NRG3: variants seen among roughly 807,000 people sequenced by gnomAD.
The protein encoded by NRG3 is pro-neuregulin-3, membrane-bound isoform.
NRG3 carries 31 observed loss-of-function variants against 66.9 expected under a neutral mutation model. The ratio of observed to expected loss-of-function variants is 0.46; its 90% CI spans 0.35 to 0.63. The LOEUF (loss-of-function observed/expected upper bound fraction) is 0.63, where lower values mean the gene tolerates loss of function less well. Among genes scored for constraint, NRG3 ranks in the 20% least tolerant of loss-of-function variants. NRG3 has a pLI of 0.00. For synonymous variants in NRG3, 393 were observed against 359.4 expected, an observed-to-expected ratio of 1.09 and a Z score of -1.06; for missense variants, 910 against 878.9, an observed-to-expected ratio of 1.04 and a Z score of -0.45.
At chr10:81,952,425 A>C (rs1193007751) in intron 1 of NRG3, among the ~76,000 whole-genome samples, 1 of 151,852 alleles carries the variant, frequency 6.6e-6, no homozygotes, top group African/African-American at 2.4e-5. Flanking sequence ...GGAGAGAGAA[A>C]GAAGGCGGCA....
chr10:82,386,834 C>G (rs2086028275), intron 2 of NRG3, among the ~76,000 whole-genome samples: 1 of 152,138 alleles, frequency 6.6e-6, no homozygotes, highest in Non-Finnish European at 1.5e-5. Context: ...GAGGCCTGCT[C>G]TGTCGCCCAG....
At chr10:82,885,024 T>G (rs2136084552) in intron 4 of NRG3, among the ~76,000 whole-genome samples, 1 of 152,336 alleles carries the variant, frequency 6.6e-6, no homozygotes, top group South Asian at 2.1e-4. Flanking sequence ...GCTGTAGAAA[T>G]GGAATCACAA....
intron 4 of NRG3, among the ~76,000 whole-genome samples, chr10:82,946,453 C>T (rs375238332): frequency 5.3e-5 from 8 of 151,912 alleles, no homozygotes; most frequent in South Asian, 2.1e-4. Context: ...GCAGGAAAAT[C>T]GCTTGAACCC....
In NRG3 at chr10:82,479,481, C is replaced by G. The variant is rs532073883; in HGVS notation, c.953+120613C>G. On this transcript the variant is annotated intron_variant, in intron 2 of 8. Transcript: ENST00000372141. ...TGGGAGACAGAGGTGGGCGGATCAC[C>G]TGAGGTCAGGAGTTGGAGGGAAAAA... Among the ~76,000 whole-genome samples the G allele has an allele frequency of 5.8e-4, 78 of 133,560 alleles. 1 individual carries two copies. The highest frequency in any genetic ancestry group is 3.1e-3 in the Admixed American group (40 of 12,768). The allele number at this position is 133,560 out of a possible 152,430, so 87.6% of individuals were successfully genotyped here.
At chr10:82,633,491 G>A (rs1022867171) in intron 2 of NRG3, among the ~76,000 whole-genome samples, 1 of 152,076 alleles carries the variant, frequency 6.6e-6, no homozygotes, top group Non-Finnish European at 1.5e-5. Flanking sequence ...GTGAAAAAGC[G>A]GACAAGTGTA....
intron 1 of NRG3, among the ~76,000 whole-genome samples, chr10:82,296,214 G>A (rs1201037950): frequency 6.6e-6 from 1 of 152,162 alleles, no homozygotes; most frequent in Non-Finnish European, 1.5e-5. Flanking sequence ...AGCTCAGAGA[G>A]GAAGAGGAAG....
At chr10:82,734,442 A>G (rs12255264) in intron 2 of NRG3, among the ~76,000 whole-genome samples, 12,437 of 152,174 alleles carry the variant, frequency 0.082, 639 homozygotes, top group East Asian at 0.2. Flanking sequence ...CAACCTAGTT[A>G]AGGCAAGATT....
intron 1 of NRG3, among the ~76,000 whole-genome samples, chr10:82,099,064 C>T (rs2066556793): frequency 6.6e-6 from 1 of 152,164 alleles, no homozygotes; most frequent in Non-Finnish European, 1.5e-5. Flanking sequence ...CACACCTGGC[C>T]TAGGTAGCAT....
At chr10:82,664,978 T>C (rs898839895) in intron 2 of NRG3, among the ~76,000 whole-genome samples, 47 of 152,194 alleles carry the variant, frequency 3.1e-4, no homozygotes, top group Admixed American at 5.9e-4. Context: ...ATCAATACTC[T>C]ACAGCTCATG....
chr10:82,763,987 A>T (rs1472294876), intron 3 of NRG3, among the ~76,000 whole-genome samples: 1 of 152,208 alleles, frequency 6.6e-6, no homozygotes, highest in Non-Finnish European at 1.5e-5. Context: ...TAATGTGGAT[A>T]GTGGAAAATT....
chr10:82,979,772 T>C (rs1189248469), intron 8 of NRG3, among the ~76,000 whole-genome samples: 4 of 152,212 alleles, frequency 2.6e-5, no homozygotes, highest in African/African-American at 7.2e-5. Flanking sequence ...ATTATCCATG[T>C]AGTTGGCATA....
chr10:82,770,530 T>G (rs1216577857), intron 3 of NRG3, among the ~76,000 whole-genome samples: 1 of 152,158 alleles, frequency 6.6e-6, no homozygotes, highest in African/African-American at 2.4e-5. Context: ...GGAGGTGGCT[T>G]GGGCTTCTCT....
chr10:82,737,658 G>GT (rs1180479933), intron 2 of NRG3, among the ~76,000 whole-genome samples: 1 of 152,156 alleles, frequency 6.6e-6, no homozygotes, highest in Non-Finnish European at 1.5e-5. Flanking sequence ...GAGCAGACCA[G>GT]TAAATGCCAC....
At chr10:82,632,333 A>T (rs954687742) in intron 2 of NRG3, among the ~76,000 whole-genome samples, 1 of 152,184 alleles carries the variant, frequency 6.6e-6, no homozygotes, top group South Asian at 2.1e-4. Flanking sequence ...GTTACATAAG[A>T]CATCCAAATG....
chr10:82,305,948 T>C (rs2080699493), intron 1 of NRG3, among the ~76,000 whole-genome samples: 1 of 152,234 alleles, frequency 6.6e-6, no homozygotes, highest in Non-Finnish European at 1.5e-5. Flanking sequence ...CCTGCAAGGT[T>C]TGACATTAAC....
At chr10:82,558,157 T>C (rs1316831133) in intron 2 of NRG3, among the ~76,000 whole-genome samples, 2 of 152,200 alleles carry the variant, frequency 1.3e-5, no homozygotes, top group East Asian at 1.9e-4. Context: ...TGTGGCCATC[T>C]TGAGGCACTT....
intron 1 of NRG3, among the ~76,000 whole-genome samples, chr10:82,182,224 G>A (rs2073475026): frequency 2.0e-5 from 3 of 151,038 alleles, no homozygotes; most frequent in Admixed American, 2.0e-4. Context: ...TGATTGAGGA[G>A]TTTAATGCAT....
At chr10:82,292,906 A>T (rs1368304302) in intron 1 of NRG3, among the ~76,000 whole-genome samples, 1 of 152,200 alleles carries the variant, frequency 6.6e-6, no homozygotes, top group Non-Finnish European at 1.5e-5. Flanking sequence ...AATATTCTGC[A>T]TCTTGAGGGT....
At chr10:82,747,117 A>G (rs1481202320) in intron 3 of NRG3, among the ~76,000 whole-genome samples, 1 of 152,122 alleles carries the variant, frequency 6.6e-6, no homozygotes, top group Non-Finnish European at 1.5e-5. Flanking sequence ...GAACACCATC[A>G]GGATTATACT....
Sources: gnomAD v4.1 joint callset for allele counts (sites outside exome capture counted in the v4.1 genomes callset) on GRCh38, gnomAD v4.1.1 for gene constraint, MANE v1.5 for transcripts, NCBI Gene and HGNC (gene_info 2026-07-23, HGNC 2026-07-21) for gene names.